The following MATN2 variants were observed in gnomAD, a reference collection of about 807,000 sequenced individuals.
MATN2 encodes the protein matrilin 2.
In MATN2, 69 loss-of-function variants were observed where a neutral mutation model predicts 103.2. The ratio of observed to expected loss-of-function variants is 0.67; its 90% CI spans 0.55 to 0.82. The LOEUF (loss-of-function observed/expected upper bound fraction) is 0.82. Ranked by LOEUF, MATN2 falls within the 40% of genes least tolerant of loss-of-function variation. MATN2 has a pLI of 0.00. For synonymous variants in MATN2, 429 were observed against 450.2 expected (o/e 0.95, Z 0.60); for missense variants, 1,023 against 1,211.5 (o/e 0.84, Z 2.31).
At chr8:97,894,251 G>A (rs1752767283) in intron 2 of MATN2, among the ~76,000 whole-genome samples, 1 of 146,480 alleles carries the variant, frequency 6.8e-6, no homozygotes, top group South Asian at 2.3e-4. Context: ...AGACACCACA[G>A]CATTTAGTAA....
chr8:97,920,966 C>T (rs1299312778), intron 2 of MATN2, among the ~76,000 whole-genome samples: 1 of 152,156 alleles, frequency 6.6e-6, no homozygotes, highest in Non-Finnish European at 1.5e-5. Context: ...AAGGCTTGGA[C>T]TTGCCATCCT....
intron 6 of MATN2, among the ~76,000 whole-genome samples, chr8:97,986,981 C>T (rs553992762): frequency 9.2e-5 from 14 of 151,592 alleles, no homozygotes; most frequent in African/African-American, 2.7e-4. Flanking sequence ...TACAGGTGCC[C>T]GCCACCACGC....
intron 2 of MATN2, among the ~76,000 whole-genome samples, chr8:97,894,197 C>A (rs528236762): frequency 6.6e-6 from 1 of 152,256 alleles, no homozygotes; most frequent in African/African-American, 2.4e-5. Context: ...ACCCCACACC[C>A]CACCACACAC....
chr8:98,021,270 T>A lies in MATN2; in HGVS notation c.1885T>A (p.Tyr629Asn). ...EHICVNNGNS[Y>N]ICKCSEGFVL... ...CATTTGTGTTAATAATGGGAATTCC[T>A]ACATCTGCAAATGCTCAGAGGGATT... Residue 629 changes from tyrosine to asparagine, a missense_variant, in exon 13 of 19, where the codon TAC becomes AAC. Tyr to Asn is a moderately radical substitution (Grantham distance 143, BLOSUM62 -2). Transcript: ENST00000254898. 6.2e-7 allele frequency: 1 copy of A among 1,613,544 alleles called. No homozygotes were observed. The highest frequency in any genetic ancestry group is 1.7e-5 in the Admixed American group (1 of 60,026).
chr8:98,024,010 G>A (rs1211592732), intron 13 of MATN2, among the ~76,000 whole-genome samples: 1 of 152,114 alleles, frequency 6.6e-6, no homozygotes, highest in African/African-American at 2.4e-5. Flanking sequence ...TGGACACAGG[G>A]AGGGGAACAA....
intron 5 of MATN2, among the ~76,000 whole-genome samples, chr8:97,966,980 C>T (rs1811503555): frequency 6.6e-6 from 1 of 152,182 alleles, no homozygotes; most frequent in African/African-American, 2.4e-5. Context: ...TGGTGAGGGC[C>T]TCAGGAAACT....
At chr8:97,978,464 C>T (rs1315089555) in intron 5 of MATN2, among the ~76,000 whole-genome samples, 5 of 152,086 alleles carry the variant, frequency 3.3e-5, no homozygotes, top group African/African-American at 4.8e-5. Context: ...TTGGGTTTCA[C>T]GTCCAGGGTG....
rs539679870 is a variant in MATN2 at position 97,931,839 on chromosome 8, A to G, written c.712+317A>G. Among the ~76,000 whole-genome samples, 1 of 152,128 alleles carries G rather than the reference A, an allele frequency of 6.6e-6. No individual in the cohort carries two copies. The highest frequency in any genetic ancestry group is 1.5e-5 in the Non-Finnish European group (1 of 68,028). ...TGCCTTAGCCTCATGAGTAGCTGGGACTACAGGTGTGCACCACCATGCCTG... is the reference window on the plus strand; with the variant it reads ...TGCCTTAGCCTCATGAGTAGCTGGGGCTACAGGTGTGCACCACCATGCCTG... On this transcript the variant is annotated intron_variant, in intron 3 of 18. Coordinates refer to ENST00000254898, the MANE Select transcript of MATN2 (RefSeq NM_002380.5). The surrounding 1 kb of genome is among the most constrained non-coding windows in gnomAD (Gnocchi z 4.1).
chr8:98,011,925 T>C (rs1462151938), intron 10 of MATN2, among the ~76,000 whole-genome samples: 2 of 152,232 alleles, frequency 1.3e-5, no homozygotes, highest in African/African-American at 4.8e-5. Flanking sequence ...CTAAAACTTC[T>C]AATCATCCTG....
At chr8:97,997,359 G>T (rs1554613116) in intron 7 of MATN2, among the ~76,000 whole-genome samples, 1 of 152,294 alleles carries the variant, frequency 6.6e-6, no homozygotes, top group Non-Finnish European at 1.5e-5. Context: ...TAAACTGTAG[G>T]AACAGGACTT....
rs1199212655 is a variant in MATN2, at chr8:98,007,179, C to T, written c.1402C>T (p.Gln468Ter). 6.2e-7 allele frequency: 1 copy of T among 1,613,880 alleles called. No individual in the cohort carries two copies. The highest frequency in any genetic ancestry group is 2.2e-5 in the East Asian group (1 of 44,878). Residue 468 changes from glutamine to a stop codon, truncating the protein, a stop_gained, in exon 9 of 19, where the codon CAG (glutamine) becomes TAG (stop). Coordinates refer to ENST00000254898, the MANE Select transcript of MATN2 (RefSeq NM_002380.5). LOFTEE classifies it high-confidence loss of function. The surrounding 1 kb of genome is among the most constrained non-coding windows in gnomAD (Gnocchi z 4.2). ...GAACACGGAGGATTCCTTCGTCTGC[C>T]AGTGCTCAGAAGGCTTCCTCATCAA... Reference protein sequence around the residue: ...CLNTEDSFVCQCSEGFLINED... With the variant: ...CLNTEDSFVC
chr8:97,969,680 T>C (rs952732590), intron 5 of MATN2, among the ~76,000 whole-genome samples: 7 of 152,188 alleles, frequency 4.6e-5, no homozygotes, highest in African/African-American at 9.7e-5. Context: ...AATATTAATG[T>C]CATGCTTCAG....
chr8:97,907,089 C>T (rs1819198764), intron 2 of MATN2, among the ~76,000 whole-genome samples: 1 of 147,146 alleles, frequency 6.8e-6, no homozygotes, highest in South Asian at 2.2e-4. Flanking sequence ...CAACCTCCAT[C>T]TCCTGGGTTC....
At chr8:98,015,498 CCAAGCAGCTCCCGTTG>C (rs1813329542) in intron 10 of MATN2, among the ~76,000 whole-genome samples, 1 of 152,214 alleles carries the variant, frequency 6.6e-6, no homozygotes. Flanking sequence ...AACACACCAA[CCAAGCAGCTCCCGTTG>C]CTGCAGTTTG....
intron 2 of MATN2, among the ~76,000 whole-genome samples, chr8:97,907,041 C>T (rs1466009008): frequency 3.4e-5 from 5 of 147,816 alleles, no homozygotes; most frequent in Non-Finnish European, 7.4e-5. Context: ...TGCTCTGTCG[C>T]CCAGGCTGGA....
At chr8:98,009,482 T>A (rs551966953) in intron 10 of MATN2, among the ~76,000 whole-genome samples, 1 of 152,182 alleles carries the variant, frequency 6.6e-6, no homozygotes, top group Non-Finnish European at 1.5e-5. Context: ...ACTTAGAGCT[T>A]TGATAGCAAG....
chr8:97,968,708 T>C (rs1811561300), intron 5 of MATN2, among the ~76,000 whole-genome samples: 1 of 152,204 alleles, frequency 6.6e-6, no homozygotes, highest in African/African-American at 2.4e-5. Context: ...GCCTTTACTG[T>C]CCATATCTAT....
intron 1 of MATN2, among the ~76,000 whole-genome samples, chr8:97,869,508 G>A (rs985991481): frequency 6.6e-6 from 1 of 152,120 alleles, no homozygotes. Flanking sequence ...TCGGCCGGGA[G>A]AGCTGGGCGC....
chr8:97,882,495 C>T (rs528779270), intron 1 of MATN2, among the ~76,000 whole-genome samples: 28 of 151,918 alleles, frequency 1.8e-4, no homozygotes, highest in Non-Finnish European at 3.7e-4. Context: ...TGGGCTCAAG[C>T]GATTCTCCCA....
Sources: allele counts gnomAD v4.1 joint callset (sites outside exome capture counted in the v4.1 genomes callset), GRCh38; gene constraint gnomAD v4.1.1; non-coding constraint Gnocchi (gnomAD v3.1); transcripts MANE v1.5; gene names NCBI Gene and HGNC (gene_info 2026-07-23, HGNC 2026-07-21).